The following ZIC3 variants were observed in gnomAD, a reference collection of about 807,000 sequenced individuals.
ZIC3 encodes the protein zinc finger protein ZIC 3.
Under a neutral mutation model 18.3 loss-of-function variants are expected in ZIC3, and 6 were observed. The ratio of observed to expected loss-of-function variants is 0.33; its 90% CI spans 0.18 to 0.65. The LOEUF (loss-of-function observed/expected upper bound fraction) is 0.65. ZIC3 is among the 30% of genes least tolerant of loss of function. The pLI is 0.75. For missense variants in ZIC3, 260 were observed against 410.0 expected, an observed-to-expected ratio of 0.63 and a Z score of 3.16; for synonymous variants, 175 against 177.0, an observed-to-expected ratio of 0.99 and a Z score of 0.09.
At chrX:137,576,899 A>G (rs914161820), downstream of ZIC3, among the ~76,000 whole-genome samples, 3 of 112,120 alleles carry the variant, frequency 2.7e-5, no homozygotes, top group Admixed American at 1.9e-4. Flanking sequence ...ATAATATTTG[A>G]TCTCTAATAG....
At chrX:137,573,446 G>A (rs1396704397), downstream of ZIC3, among the ~76,000 whole-genome samples, 2 of 111,633 alleles carry the variant, frequency 1.8e-5, no homozygotes, top group Non-Finnish European at 3.8e-5. Flanking sequence ...ACATGAGTGA[G>A]CAAAGACCTC....
chrX:137,568,331 G>GATCC (rs1416040219), intron 1 of ZIC3, among the ~76,000 whole-genome samples: 12 of 59,727 alleles, frequency 2.0e-4, no homozygotes, highest in African/African-American at 7.4e-4. Context: ...GAGCCCCCTG[G>GATCC]ATCGATCGAT....
Position 137,569,941 on chromosome X carries a change from T to G in ZIC3, c.1275T>G (p.Tyr425Ter). 8.3e-7 allele frequency: 1 copy of G among 1,211,788 alleles called. No individual in the cohort carries two copies. Among genetic ancestry groups the G allele is most frequent in the Non-Finnish European group, 1.1e-6 (1 of 895,514 alleles). Residue 425 changes from tyrosine to a stop codon, truncating the protein, a stop_gained, in exon 3 of 3, where the codon TAT becomes TAG. Coordinates refer to ENST00000287538, the MANE Select transcript of ZIC3 (RefSeq NM_003413.4). LOFTEE classifies it high-confidence loss of function. ...CCTCCCCTGCTGCCAGTTCAGGCTA[T>G]GAATCTTCCACTCCACCCGCTATAG... is the stretch of plus-strand genomic sequence containing the variant. ...SDSSPAASSG[Y>*]ESSTPPAIAS...
chrX:137,575,070 T>A (rs1177606512), downstream of ZIC3, among the ~76,000 whole-genome samples: 1 of 111,891 alleles, frequency 8.9e-6, no homozygotes, highest in East Asian at 2.8e-4. Flanking sequence ...GGAGCTGCCA[T>A]GGCTAGGGGA....
At chrX:137,567,802 C>T (rs1388901114) in intron 1 of ZIC3, 51 bp downstream of exon 1, 2 of 1,210,189 alleles carry the variant, frequency 1.7e-6, no homozygotes, top group African/African-American at 3.5e-5. Flanking sequence ...TACCCCGTCA[C>T]GCAGCGGACT....
chrX:137,574,818 A>G (rs1931493893), downstream of ZIC3, among the ~76,000 whole-genome samples: 1 of 113,125 alleles, frequency 8.8e-6, no homozygotes, highest in Admixed American at 9.2e-5. Flanking sequence ...CAAAGGCTGC[A>G]GAACTGTTGC....
chrX:137,566,475 C>CCCCCCCCCTGCTCTTTCTT lies in ZIC3; in HGVS notation c.-213_-212insCCCCTGCTCTTTCTTCCCC. 1 of 276,126 alleles carries CCCCCCCCCTGCTCTTTCTT rather than the reference C, an allele frequency of 3.6e-6. No individual in the cohort carries two copies. Among genetic ancestry groups the CCCCCCCCCTGCTCTTTCTT allele is most frequent in the Non-Finnish European group, 6.3e-6 (1 of 159,530 alleles). The allele number at this position is 276,126 out of a possible 1,213,427, so 22.8% of individuals were successfully genotyped here. A position where few individuals can be genotyped will look rare whatever the true frequency, so the allele number is the denominator to read the frequency against. On this transcript the variant is annotated 5_prime_UTR_variant, in exon 1 of 3. Coordinates refer to ENST00000287538, the MANE Select transcript of ZIC3 (RefSeq NM_003413.4). ...CTCCCTCCTCCTCCCCCCGCCAACA[C>CCCCCCCCCTGCTCTTTCTT]CCCCTCCCTGCTCTTTCTTCCCCTC...
exon 3 of ZIC3, chrX:137,577,301 G>T: frequency 2.0e-6 from 1 of 499,979 alleles, no homozygotes; most frequent in South Asian, 2.9e-5. Flanking sequence ...ACATCAATTT[G>T]GATGTCTGTT....
downstream of ZIC3, among the ~76,000 whole-genome samples, chrX:137,572,904 A>G (rs1342851958): frequency 2.7e-5 from 3 of 111,408 alleles, no homozygotes; most frequent in African/African-American, 9.8e-5. Flanking sequence ...AATTATGATA[A>G]CCAATATTAG....
chrX:137,566,889 A>G lies in ZIC3; in HGVS notation c.198A>G (p.Leu66=), dbSNP rs1569345570. 8.6e-7 allele frequency: 1 copy of G among 1,164,624 alleles called. No individual in the cohort carries two copies. Among genetic ancestry groups the G allele is most frequent in the Non-Finnish European group, 1.1e-6 (1 of 872,524 alleles). ...TGAGCCCTGCCGCGGCGCACGATCTATCTTCAGGCCAGAGCTCGGCTTTCA... is the reference window on the plus strand; with the variant it reads ...TGAGCCCTGCCGCGGCGCACGATCTGTCTTCAGGCCAGAGCTCGGCTTTCA... The part of the protein sequence containing the change: ...FKLSPAAAHD[L]SSGQSSAFTP... The change falls in exon 1 of 3, where the codon CTA becomes CTG. Residue 66 remains leucine, a synonymous_variant. Transcript: ENST00000287538.
Position 137,567,298 on chromosome X carries a change from G to A in ZIC3, c.607G>A (p.Ala203Thr), listed in dbSNP as rs140823819. 1.8e-4 allele frequency: 219 copies of A among 1,210,048 alleles called. 2 individuals carry two copies. In the African/African-American group the frequency reaches 3.5e-3, roughly 19 times the overall value. ...CCGTGCTGACCCATACCGCCCAGTG[G>A]CCAGCCCGCGCACGGACCCCTACGC... ...FGRADPYRPV[A>T]SPRTDPYAAG... The change falls in exon 1 of 3, where the codon GCC becomes ACC. Residue 203 changes from alanine (A) to threonine (T), a missense_variant. Coordinates refer to ENST00000287538, the MANE Select transcript of ZIC3 (RefSeq NM_003413.4).
Position 137,571,626 on chromosome X carries a change from T to TA in ZIC3, c.*1557dup, listed in dbSNP as rs1318465241. 2 of 112,586 alleles carry TA rather than the reference T, an allele frequency of 1.8e-5. No homozygotes were observed. The highest frequency in any genetic ancestry group is 6.5e-5 in the African/African-American group (2 of 30,908). 9.3% of individuals were successfully genotyped at this position (112,586 alleles called of 1,213,427 possible). On this transcript the variant is annotated 3_prime_UTR_variant, in exon 3 of 3. Coordinates refer to ENST00000287538, the MANE Select transcript of ZIC3 (RefSeq NM_003413.4). ...ATGCTATGGGAAAAAAATTGCAAAATATGTATTTTTAAAGTTCATGATTTG... is the reference window on the plus strand; with the variant it reads ...ATGCTATGGGAAAAAAATTGCAAAATAATGTATTTTTAAAGTTCATGATTTG...
At chrX:137,574,161 T>C (rs1373239343), downstream of ZIC3, 1 of 113,301 alleles carries the variant, frequency 8.8e-6, no homozygotes, top group Non-Finnish European at 1.9e-5. Context: ...CCGCAAACTT[T>C]GTGTTCAATT....
chrX:137,577,097 A>G (rs1481819491), downstream of ZIC3: 2 of 504,778 alleles, frequency 4.0e-6, no homozygotes, highest in Non-Finnish European at 7.2e-6. Flanking sequence ...ACCTATCTGC[A>G]GTTCACTTTT....
downstream of ZIC3, among the ~76,000 whole-genome samples, chrX:137,576,800 A>G (rs1931519181): frequency 8.9e-6 from 1 of 112,342 alleles, no homozygotes; most frequent in African/African-American, 3.2e-5. Context: ...TAATCTGATG[A>G]CAGTTCAACC....
downstream of ZIC3, among the ~76,000 whole-genome samples, chrX:137,573,186 T>A (rs1215372579): frequency 1.0e-5 from 1 of 96,444 alleles, no homozygotes; most frequent in Non-Finnish European, 2.0e-5. Flanking sequence ...TCATCAATGC[T>A]CAAGCCCGAG....
chrX:137,574,505 G>A (rs1187668322), downstream of ZIC3, among the ~76,000 whole-genome samples: 1 of 112,906 alleles, frequency 8.9e-6, no homozygotes, highest in East Asian at 2.8e-4. Context: ...CCCCTCCCCC[G>A]CTTCCCCGTG....
At chrX:137,569,321 G>T (rs1391629509) in intron 2 of ZIC3, among the ~76,000 whole-genome samples, 1 of 112,129 alleles carries the variant, frequency 8.9e-6, no homozygotes, top group Non-Finnish European at 1.9e-5. Flanking sequence ...AGCCGAGCTC[G>T]CCTGGGCTTG....
chrX:137,576,316 T>G (rs1389698136), downstream of ZIC3, among the ~76,000 whole-genome samples: 1 of 112,171 alleles, frequency 8.9e-6, no homozygotes, highest in Non-Finnish European at 1.9e-5. Context: ...GTTAGACGGG[T>G]TTGTCCCTTT....
Sources: allele counts gnomAD v4.1 joint callset (sites outside exome capture counted in the v4.1 genomes callset), GRCh38; gene constraint gnomAD v4.1.1; transcripts MANE v1.5; gene names NCBI Gene and HGNC (gene_info 2026-07-23, HGNC 2026-07-21).